Variants in ABLIM2 observed in about 807,000 individuals in gnomAD.
ABLIM2 encodes actin-binding LIM protein 2.
In ABLIM2, 53 loss-of-function variants were observed where a neutral mutation model predicts 97.7. The ratio of observed to expected loss-of-function variants is 0.54; its 90% CI spans 0.44 to 0.68. ABLIM2 has a LOEUF of 0.68. Ranked by LOEUF, ABLIM2 falls within the 30% of genes least tolerant of loss-of-function variation. The pLI is 0.00. For missense variants in ABLIM2, 835 were observed against 867.2 expected (o/e 0.96, Z 0.47); for synonymous variants, 361 against 345.8 (o/e 1.04, Z -0.49).
chr4:8,102,336 G>C (rs1407685634), intron 2 of ABLIM2, among the ~76,000 whole-genome samples: 1 of 152,166 alleles, frequency 6.6e-6, no homozygotes, highest in African/African-American at 2.4e-5. Flanking sequence ...GGCCCAGCCT[G>C]ACCACCCAGT....
Position 8,061,736 on chromosome 4 carries a change from G to A in ABLIM2, c.676-682C>T, listed in dbSNP as rs1437243732. On this transcript the variant is annotated intron_variant, in intron 6 of 20. Transcript: ENST00000447017. The surrounding 1 kb of genome is among the most constrained non-coding windows in gnomAD (Gnocchi z 4.5). ...TTCCTACCCTGAGGGCACGGCGGGT[G>A]CAGCCTATTGCTAAATGTGGATGCT... 2.0e-5 allele frequency among the ~76,000 whole-genome samples: 3 copies of A among 151,806 alleles called. No individual in the cohort carries two copies. Among genetic ancestry groups the A allele is most frequent in the South Asian group, 2.1e-4 (1 of 4,804 alleles).
At chr4:8,115,750 A>C (rs1401030123) in intron 1 of ABLIM2, among the ~76,000 whole-genome samples, 1 of 152,206 alleles carries the variant, frequency 6.6e-6, no homozygotes, top group Non-Finnish European at 1.5e-5. Flanking sequence ...TGGGGTCTAA[A>C]GCCCCTCACC....
chr4:8,069,483 G>C lies in ABLIM2; in HGVS notation c.675+8145C>G, dbSNP rs571656319. ...AGGACACGACAGGCCAGCGTGGAAG[G>C]GTAGGACCAGGGGCTCTGATGCGCT... On this transcript the variant is annotated intron_variant, in intron 6 of 20. Transcript: ENST00000447017. The surrounding 1 kb of genome is among the most constrained non-coding windows in gnomAD (Gnocchi z 4.2). Among the ~76,000 whole-genome samples, 6 of 152,354 alleles carry C rather than the reference G, an allele frequency of 3.9e-5. No homozygotes were observed. Among genetic ancestry groups the C allele is most frequent in the Admixed American group, 3.9e-4 (6 of 15,304 alleles).
At chr4:8,013,310 C>T (rs1766399877) in intron 14 of ABLIM2, among the ~76,000 whole-genome samples, 1 of 144,330 alleles carries the variant, frequency 6.9e-6, no homozygotes, top group Admixed American at 7.3e-5. Context: ...GCAACCTTTG[C>T]CTCCTGGGTT....
chr4:8,134,741 G>A (rs746303619), intron 1 of ABLIM2, among the ~76,000 whole-genome samples: 89 of 152,328 alleles, frequency 5.8e-4, no homozygotes, highest in Non-Finnish European at 6.2e-4. Flanking sequence ...GGGCTCGGAG[G>A]GACCAGGGAC....
rs1466660091 is a variant in ABLIM2, at chr4:8,072,972, G to C, written c.675+4656C>G. ...AAGAGCAGGGAGAGTACAGGTGGAGGAGCACAGAGAGGGTCTCTGAGAGGC... is the reference window on the plus strand; with the variant it reads ...AAGAGCAGGGAGAGTACAGGTGGAGCAGCACAGAGAGGGTCTCTGAGAGGC... On this transcript the variant is annotated intron_variant, in intron 6 of 20. Transcript: ENST00000447017. The surrounding 1 kb of genome is among the most constrained non-coding windows in gnomAD (Gnocchi z 5.8). 6.6e-6 allele frequency among the ~76,000 whole-genome samples: 1 copy of C among 152,134 alleles called. No individual in the cohort carries two copies. The highest frequency in any genetic ancestry group is 2.4e-5 in the African/African-American group (1 of 41,426).
At chr4:8,154,276 CTTTTCTTTTTTTT>C (rs1334317051) in intron 1 of ABLIM2, among the ~76,000 whole-genome samples, 1 of 82,294 alleles carries the variant, frequency 1.2e-5, no homozygotes, top group African/African-American at 3.7e-5. Context: ...ATTTTCTTTT[CTTTTCTTTTTTTT>C]TTTTTTTTTT....
At chr4:7,988,581 A>C (rs917147331) in intron 17 of ABLIM2, among the ~76,000 whole-genome samples, 6 of 152,252 alleles carry the variant, frequency 3.9e-5, no homozygotes, top group Admixed American at 1.3e-4. Flanking sequence ...TTCCTTGCTA[A>C]AGCTCACATT....
intron 2 of ABLIM2, among the ~76,000 whole-genome samples, chr4:8,098,272 C>A (rs1238660024): frequency 6.6e-6 from 1 of 152,200 alleles, no homozygotes; most frequent in Admixed American, 6.5e-5. Flanking sequence ...CAGCTTACAG[C>A]CACCAAGGAA....
chr4:8,156,332 C>T (rs1237912601), intron 1 of ABLIM2, among the ~76,000 whole-genome samples: 2 of 152,202 alleles, frequency 1.3e-5, no homozygotes, highest in Non-Finnish European at 2.9e-5. Context: ...GACTGGCCGG[C>T]CATACTACTG....
chr4:8,020,038 G>A lies in ABLIM2; in HGVS notation c.1369+164C>T, dbSNP rs1364272657. Among the ~76,000 whole-genome samples, 19 of 132,262 alleles carry A rather than the reference G, an allele frequency of 1.4e-4. No homozygotes were observed. The East Asian group carries it at 4.0e-3, about 28-fold the overall frequency. 86.8% of individuals were successfully genotyped at this position (132,262 alleles called of 152,430 possible). On this transcript the variant is annotated intron_variant, in intron 13 of 20. Coordinates refer to ENST00000447017, the MANE Select transcript of ABLIM2 (RefSeq NM_001130083.2). ...CATCGGTTTGGGGTTGTGAAAACCC[G>A]TCTGATGGTTTTAAAGAAATCTCAG... is the stretch of plus-strand genomic sequence containing the variant.
At position 8,155,450 on chromosome 4, in the gene ABLIM2, G is replaced by A. The variant is rs150315929; in HGVS notation, c.10+3230C>T. The stretch of plus-strand genomic sequence containing the variant: ...CCTAAACCTTGGTTTCCCCCTTTGT[G>A]CAGGTGGGTGGGTTTGGGCTGGAAC... On this transcript the variant is annotated intron_variant, in intron 1 of 20. Coordinates refer to ENST00000447017, the MANE Select transcript of ABLIM2 (RefSeq NM_001130083.2). The surrounding 1 kb of genome is among the most constrained non-coding windows in gnomAD (Gnocchi z 4.2). 2.3e-4 allele frequency among the ~76,000 whole-genome samples: 35 copies of A among 152,226 alleles called. No individual in the cohort carries two copies. The highest frequency in any genetic ancestry group is 1.3e-3 in the Admixed American group (20 of 15,286).
chr4:8,055,401 C>T (rs1465343486), intron 7 of ABLIM2, among the ~76,000 whole-genome samples: 2 of 150,930 alleles, frequency 1.3e-5, no homozygotes, highest in Non-Finnish European at 3.0e-5. Context: ...CACTCACACA[C>T]CCAGCCTGAC....
At position 8,030,350 on chromosome 4, in the gene ABLIM2, G is replaced by GCGTGGCAC. The variant is rs1427810911; in HGVS notation, c.1048-582_1048-575dup. ...AGTGGGAGGCAGGTGGTGTGGGGTGGCGTGGCACCATGGCACGGGGGAGAG... is the reference window on the plus strand; with the variant it reads ...AGTGGGAGGCAGGTGGTGTGGGGTGGCGTGGCACCGTGGCACCATGGCACGGGGGAGAG... On this transcript the variant is annotated intron_variant, in intron 10 of 20. Transcript: ENST00000447017. Among the ~76,000 whole-genome samples, 4 of 152,282 alleles carry GCGTGGCAC rather than the reference G, an allele frequency of 2.6e-5. No homozygotes were observed. The East Asian group carries it at 7.7e-4, about 29-fold the overall frequency.
chr4:8,158,646 G>C, intron 1 of ABLIM2, 34 bp downstream of exon 1: 1 of 1,504,234 alleles, frequency 6.6e-7, no homozygotes, highest in Non-Finnish European at 8.8e-7. Context: ...AGCCAGCGCG[G>C]GGACCCGTTG....
chr4:8,059,763 G>C (rs1806390), intron 7 of ABLIM2, among the ~76,000 whole-genome samples: 5 of 151,802 alleles, frequency 3.3e-5, no homozygotes, highest in African/African-American at 1.2e-4. Context: ...AAAATTAGCC[G>C]GGTATGGTGG....
intron 9 of ABLIM2, among the ~76,000 whole-genome samples, chr4:8,036,743 G>A (rs1454436620): frequency 6.6e-6 from 1 of 152,226 alleles, no homozygotes; most frequent in Admixed American, 6.5e-5. Context: ...GGCCATGCCT[G>A]TGATGTACCT....
intron 1 of ABLIM2, among the ~76,000 whole-genome samples, chr4:8,151,358 G>A (rs1022142715): frequency 1.3e-5 from 2 of 152,290 alleles, no homozygotes; most frequent in East Asian, 1.9e-4. Context: ...AAGGACCAGT[G>A]AGCGTCCCAG....
rs1014192646 is a variant in ABLIM2 at position 8,083,110 on chromosome 4, T to C, written c.455-2308A>G. Among the ~76,000 whole-genome samples the C allele has an allele frequency of 6.6e-5, 10 of 152,266 alleles. No individual in the cohort carries two copies. Among genetic ancestry groups the C allele is most frequent in the African/African-American group, 2.4e-4 (10 of 41,556 alleles). ...CTCAACAGGGCTCTCTGGCCCCACATGTGAATGGTGCTGGAGCTGAGATCC... is the reference window on the plus strand; with the variant it reads ...CTCAACAGGGCTCTCTGGCCCCACACGTGAATGGTGCTGGAGCTGAGATCC... On this transcript the variant is annotated intron_variant, in intron 4 of 20. Transcript: ENST00000447017. The surrounding 1 kb of genome is among the most constrained non-coding windows in gnomAD (Gnocchi z 4.6).
Sources: allele counts gnomAD v4.1 joint callset (sites outside exome capture counted in the v4.1 genomes callset), GRCh38; gene constraint gnomAD v4.1.1; non-coding constraint Gnocchi (gnomAD v3.1); transcripts MANE v1.5; gene names NCBI Gene and HGNC (gene_info 2026-07-23, HGNC 2026-07-21).